RAB22A: variants seen among roughly 807,000 people sequenced by gnomAD.
RAB22A encodes ras-related protein Rab-22A.
Under a neutral mutation model 30.2 loss-of-function variants are expected in RAB22A, and 13 were observed. The observed-to-expected ratio is 0.43, with a 90% CI of 0.28 to 0.68. The LOEUF (loss-of-function observed/expected upper bound fraction) is 0.68, where lower values mean the gene tolerates loss of function less well. RAB22A is among the 30% of genes least tolerant of loss of function. RAB22A has a pLI of 0.18. For synonymous variants in RAB22A, 89 were observed against 87.2 expected, an observed-to-expected ratio of 1.02 and a Z score of -0.11; for missense variants, 177 against 246.8, an observed-to-expected ratio of 0.72 and a Z score of 1.89.
intron 2 of RAB22A, among the ~76,000 whole-genome samples, chr20:58,327,194 TTTTG>T (rs1986583558): frequency 6.6e-6 from 1 of 152,266 alleles, no homozygotes; most frequent in African/African-American, 2.4e-5. Context: ...ATTTAGATTA[TTTTG>T]TTTTTCTCTT....
At chr20:58,310,137 G>C in intron 1 of RAB22A, 125 bp downstream of exon 1, 1 of 1,011,176 alleles carries the variant, frequency 9.9e-7, no homozygotes, top group Admixed American at 4.3e-5. Context: ...CAGCCCCGTG[G>C]ACCCTCCCTC....
At position 58,310,911 on chromosome 20, in the gene RAB22A, G is replaced by C. The variant is rs1173974515; in HGVS notation, c.37-132G>C. ...CTGAATTTTTATGACAACCGCTTTT[G>C]TGTTCCTCCGTTTATAAAATTTACA... is the stretch of plus-strand genomic sequence containing the variant. On this transcript the variant is annotated intron_variant, in intron 1 of 6. Coordinates refer to ENST00000244040, the MANE Select transcript of RAB22A (RefSeq NM_020673.3). 8 of 724,290 alleles carry C rather than the reference G, an allele frequency of 1.1e-5. No individual in the cohort carries two copies. The Admixed American group carries it at 1.9e-4, about 17-fold the overall frequency. The allele number at this position is 724,290 out of a possible 1,614,324, so 44.9% of individuals were successfully genotyped here.
chr20:58,342,577 G>A (rs1296889053), intron 2 of RAB22A, among the ~76,000 whole-genome samples: 1 of 150,860 alleles, frequency 6.6e-6, no homozygotes, highest in Admixed American at 6.6e-5. Context: ...GAAAATGCCA[G>A]CCATTGAGTT....
chr20:58,311,709 A>T (rs572579991), intron 2 of RAB22A, among the ~76,000 whole-genome samples: 1 of 152,212 alleles, frequency 6.6e-6, no homozygotes, highest in Non-Finnish European at 1.5e-5. Context: ...GTTGTGTTTT[A>T]TAGGCTTTAA....
chr20:58,336,722 T>G (rs1986761833), intron 2 of RAB22A, among the ~76,000 whole-genome samples: 1 of 152,200 alleles, frequency 6.6e-6, no homozygotes, highest in Non-Finnish European at 1.5e-5. Context: ...CTCTGAAATA[T>G]TCACTAGTAA....
At chr20:58,333,966 G>C (rs189663698) in intron 2 of RAB22A, among the ~76,000 whole-genome samples, 1 of 152,162 alleles carries the variant, frequency 6.6e-6, no homozygotes, top group Non-Finnish European at 1.5e-5. Context: ...ACTGAGGTGG[G>C]AGGATTGCTT....
At chr20:58,346,486 A>T (rs1986950933) in intron 3 of RAB22A, among the ~76,000 whole-genome samples, 1 of 152,042 alleles carries the variant, frequency 6.6e-6, no homozygotes, top group Non-Finnish European at 1.5e-5. Context: ...TGTTCCCTCC[A>T]CTGGAGCCCA....
intron 2 of RAB22A, among the ~76,000 whole-genome samples, chr20:58,335,043 G>A (rs6015254): frequency 0.054 from 8,189 of 152,232 alleles, 264 homozygotes; most frequent in Middle Eastern, 0.099. Context: ...AATGGGCAAA[G>A]TGCGATATAG....
At chr20:58,329,337 G>A (rs772555804) in intron 2 of RAB22A, among the ~76,000 whole-genome samples, 1 of 152,190 alleles carries the variant, frequency 6.6e-6, no homozygotes, top group Non-Finnish European at 1.5e-5. Flanking sequence ...ACAGGCATGA[G>A]CCACGGCACC....
At position 58,322,362 on chromosome 20, in the gene RAB22A, A is replaced by G. The variant is rs192391641; in HGVS notation, c.116+11240A>G. 1.2e-4 allele frequency among the ~76,000 whole-genome samples: 19 copies of G among 152,330 alleles called. 1 individual carries two copies. In the East Asian group the frequency reaches 3.7e-3, roughly 29 times the overall value. ...CTGCCTTTTAATTATTTAGACCTCC[A>G]CGGTCTAGTACAGTTGCTACTAGCC... is the stretch of plus-strand genomic sequence containing the variant. On this transcript the variant is annotated intron_variant, in intron 2 of 6. Transcript: ENST00000244040.
chr20:58,342,372 A>T (rs1054630088), intron 2 of RAB22A, among the ~76,000 whole-genome samples: 1 of 152,232 alleles, frequency 6.6e-6, no homozygotes, highest in African/African-American at 2.4e-5. Flanking sequence ...TTTGGAGGCT[A>T]CTTGCCATGG....
intron 2 of RAB22A, among the ~76,000 whole-genome samples, chr20:58,339,953 C>G (rs377093113): frequency 1.3e-3 from 193 of 152,294 alleles, no homozygotes; most frequent in African/African-American, 4.5e-3. Flanking sequence ...CAACCTCCCC[C>G]TCCCATGTCT....
chr20:58,335,907 A>C lies in RAB22A; in HGVS notation c.117-7811A>C, dbSNP rs376352910. On this transcript the variant is annotated intron_variant, in intron 2 of 6. Transcript: ENST00000244040. Reference sequence around the variant, plus strand: ...TTGTGGATTTTGTATGTTAGTCTTAAGTTGTCCCTTTTGTCCCTTCCTGCC... The same window carrying C: ...TTGTGGATTTTGTATGTTAGTCTTACGTTGTCCCTTTTGTCCCTTCCTGCC... 3.3e-5 allele frequency among the ~76,000 whole-genome samples: 5 copies of C among 152,270 alleles called. No individual in the cohort carries two copies. In the East Asian group the frequency reaches 7.7e-4, roughly 23 times the overall value.
At chr20:58,333,203 C>G (rs1318714075) in intron 2 of RAB22A, among the ~76,000 whole-genome samples, 2 of 151,730 alleles carry the variant, frequency 1.3e-5, no homozygotes, top group African/African-American at 4.9e-5. Context: ...CCACTTGAAC[C>G]CAGGAGGCGG....
chr20:58,317,387 G>A (rs752657821), intron 2 of RAB22A, among the ~76,000 whole-genome samples: 4 of 146,544 alleles, frequency 2.7e-5, no homozygotes, highest in Admixed American at 6.8e-5. Flanking sequence ...ATGAGCCGCC[G>A]TGCCTGGCCA....
intron 2 of RAB22A, among the ~76,000 whole-genome samples, chr20:58,334,260 G>A (rs1049718365): frequency 3.9e-5 from 6 of 151,910 alleles, no homozygotes; most frequent in Non-Finnish European, 5.9e-5. Flanking sequence ...GCTCGAACCT[G>A]GGAGGTGGAG....
At chr20:58,359,249 T>C (rs1229795247) in intron 6 of RAB22A, among the ~76,000 whole-genome samples, 1 of 152,220 alleles carries the variant, frequency 6.6e-6, no homozygotes, top group Admixed American at 6.5e-5. Flanking sequence ...AAACGTTTAC[T>C]AAGTGCTGTG....
intron 2 of RAB22A, among the ~76,000 whole-genome samples, chr20:58,312,990 T>C (rs980556736): frequency 1.3e-5 from 2 of 152,190 alleles, no homozygotes; most frequent in Admixed American, 1.3e-4. Flanking sequence ...TGTTGGGAAG[T>C]GACAGCAAGT....
chr20:58,353,852 C>T (rs1230072422), intron 5 of RAB22A, among the ~76,000 whole-genome samples: 3 of 152,210 alleles, frequency 2.0e-5, no homozygotes, highest in Non-Finnish European at 4.4e-5. Context: ...CATTTATTGG[C>T]AGTTTCCCTG....
Sources: allele counts gnomAD v4.1 joint callset (sites outside exome capture counted in the v4.1 genomes callset), GRCh38; gene constraint gnomAD v4.1.1; transcripts MANE v1.5; gene names NCBI Gene and HGNC (gene_info 2026-07-23, HGNC 2026-07-21).